Variants in PXN observed in about 807,000 individuals in gnomAD.
PXN encodes paxillin, also known as testicular tissue protein Li 134.
In PXN, 61 loss-of-function variants were observed where a neutral mutation model predicts 103.6. That is an observed-to-expected ratio of 0.59 (90% CI 0.48 to 0.73). The LOEUF (loss-of-function observed/expected upper bound fraction) is 0.73. Ranked by LOEUF, PXN falls within the 30% of genes least tolerant of loss-of-function variation. The probability of loss-of-function intolerance (pLI) is 0.00; values close to 1 mark genes in which losing one functional copy is unlikely to be tolerated. For synonymous variants in PXN, 562 were observed against 607.8 expected (o/e 0.92, Z 1.11); for missense variants, 1,274 against 1,460.3 (o/e 0.87, Z 2.08).
In PXN at chr12:120,224,150, C is replaced by T; in HGVS notation, c.240+1G>A. 1.9e-6 allele frequency: 3 copies of T among 1,567,338 alleles called. No homozygotes were observed. Among genetic ancestry groups the T allele is most frequent in the Non-Finnish European group, 2.6e-6 (3 of 1,154,790 alleles). ...CTTCCCAGCCACTGTCCCCGCCTCA[C>T]CTGCTGGTGGATGAATCGGGAGCTG... On this transcript the variant is annotated splice_donor_variant, in intron 2 of 14. Transcript: ENST00000637617. LOFTEE classifies it high-confidence loss of function. This position sits in a 1 kb window ranked among gnomAD's most constrained non-coding sequence, Gnocchi z 5.0.
intron 1 of PXN, among the ~76,000 whole-genome samples, chr12:120,241,639 G>A (rs1890160026): frequency 6.6e-6 from 1 of 152,216 alleles, no homozygotes; most frequent in Non-Finnish European, 1.5e-5. Context: ...AAGCGGCAGT[G>A]GGCCAGGAGG....
At chr12:120,240,582 G>A (rs940762919) in intron 1 of PXN, among the ~76,000 whole-genome samples, 1 of 152,176 alleles carries the variant, frequency 6.6e-6, no homozygotes, top group African/African-American at 2.4e-5. Context: ...CCAAGCAGAT[G>A]CATCTGGAGG....
rs1283943883 is a variant in PXN at position 120,217,937 on chromosome 12, ATAT to A, written c.1717-824_1717-822del. Among the ~76,000 whole-genome samples the A allele has an allele frequency of 1.4e-5, 2 of 143,568 alleles. No individual in the cohort carries two copies. Among genetic ancestry groups the A allele is most frequent in the African/African-American group, 5.2e-5 (2 of 38,334 alleles). The allele number at this position is 143,568 out of a possible 152,430, so 94.2% of individuals were successfully genotyped here. ...TTAACTAGTTTTTTTTTTCTTATTTATATTATTATGCTAATATTATATTATGCT... is the reference window on the plus strand; with the variant it reads ...TTAACTAGTTTTTTTTTTCTTATTTATATTATGCTAATATTATATTATGCT... On this transcript the variant is annotated intron_variant, in intron 7 of 14. Coordinates refer to ENST00000637617, the MANE Select transcript of PXN (RefSeq NM_001385981.1). This position sits in a 1 kb window ranked among gnomAD's most constrained non-coding sequence, Gnocchi z 4.1.
chr12:120,217,028 GC>G lies in PXN; in HGVS notation c.1804del (p.Ala602ProfsTer3). The G allele has an allele frequency of 6.3e-7, 1 of 1,583,062 alleles. No homozygotes were observed. The highest frequency in any genetic ancestry group is 8.5e-7 in the Non-Finnish European group (1 of 1,173,074). On this transcript the variant is annotated frameshift_variant, in exon 8 of 15. Transcript: ENST00000637617. LOFTEE classifies it high-confidence loss of function. The surrounding 1 kb of genome is among the most constrained non-coding windows in gnomAD (Gnocchi z 4.1). The part of the protein sequence containing the change: ...EPSPRRRLDP[A>X]TLSRTPSQEQ... ...CTGGGATGGGGTCCTGCTCAAGGTG[GC>G]AGGGTCCAGCCGGCGGCGAGGGGAG...
chr12:120,265,509 G>T lies in PXN; in HGVS notation c.13+108C>A. 1.5e-6 allele frequency: 2 copies of T among 1,294,538 alleles called. No homozygotes were observed. The highest frequency in any genetic ancestry group is 2.0e-6 in the Non-Finnish European group (2 of 994,280). 80.2% of individuals were successfully genotyped at this position (1,294,538 alleles called of 1,614,324 possible). A position where few individuals can be genotyped will look rare whatever the true frequency, so the allele number is the denominator to read the frequency against. On this transcript the variant is annotated intron_variant, in intron 1 of 14. Transcript: ENST00000637617. This position sits in a 1 kb window ranked among gnomAD's most constrained non-coding sequence, Gnocchi z 5.7. ...GCCGGCAGGGACAGGAGCTGAGGCC[G>T]GGGCCGCCGAGGGTGGGATCCCGCG...
intron 1 of PXN, among the ~76,000 whole-genome samples, chr12:120,246,598 T>C (rs1891193626): frequency 6.6e-6 from 1 of 150,592 alleles, no homozygotes; most frequent in Non-Finnish European, 1.5e-5. Flanking sequence ...CTCATGCCTG[T>C]AATCCCAGCC....
At chr12:120,223,888 G>T in intron 2 of PXN, 55 bp from the exon 3 acceptor site, 2 of 1,334,288 alleles carry the variant, frequency 1.5e-6, no homozygotes, top group Non-Finnish European at 2.1e-6. Context: ...AGGAACAGGG[G>T]CCAGGAGCAG....
chr12:120,222,092 T>C lies in PXN; in HGVS notation c.696-334A>G, dbSNP rs1042818470. ...GACGGCACTGGTAAGAGCTCGCGTGTTGGGCACTCACCATGTGTGCCACGC... is the reference window on the plus strand; with the variant it reads ...GACGGCACTGGTAAGAGCTCGCGTGCTGGGCACTCACCATGTGTGCCACGC... On this transcript the variant is annotated intron_variant, in intron 5 of 14. Transcript: ENST00000637617. The surrounding 1 kb of genome is among the most constrained non-coding windows in gnomAD (Gnocchi z 4.7). 1.3e-5 allele frequency among the ~76,000 whole-genome samples: 2 copies of C among 152,198 alleles called. No homozygotes were observed. The highest frequency in any genetic ancestry group is 2.9e-5 in the Non-Finnish European group (2 of 68,030).
chr12:120,240,688 G>A (rs895019867), intron 1 of PXN, among the ~76,000 whole-genome samples: 4 of 152,184 alleles, frequency 2.6e-5, no homozygotes, highest in African/African-American at 9.7e-5. Flanking sequence ...AGCTGGCATC[G>A]CAGCCCCACA....
At chr12:120,236,102 G>A (rs904174392) in intron 1 of PXN, among the ~76,000 whole-genome samples, 2 of 152,222 alleles carry the variant, frequency 1.3e-5, no homozygotes, top group African/African-American at 4.8e-5. Context: ...CAAAAAAGTA[G>A]GCAGTTCCAT....
In PXN at chr12:120,215,266, G is replaced by A; in HGVS notation, c.2411C>T (p.Ala804Val). 1 of 1,586,020 alleles carries A rather than the reference G, an allele frequency of 6.3e-7. No individual in the cohort carries two copies. The highest frequency in any genetic ancestry group is 1.1e-5 in the South Asian group (1 of 87,440). ...PGGQDEGGFM[A>V]QGKTGSSSPP... ...TGAGCTGCTCCCTGTCTTCCCCTGG[G>A]CCATGAACTGTGGACACGGAGGGGG... Residue 804 changes from alanine to valine, a missense_variant, in exon 11 of 15, where the codon GCC becomes GTC. By Grantham distance (64) the Ala-to-Val change is moderately conservative (BLOSUM62 0). Coordinates refer to ENST00000637617, the MANE Select transcript of PXN (RefSeq NM_001385981.1). This position sits in a 1 kb window ranked among gnomAD's most constrained non-coding sequence, Gnocchi z 4.9.
chr12:120,233,883 C>A (rs575981126), intron 1 of PXN, among the ~76,000 whole-genome samples: 8 of 152,292 alleles, frequency 5.3e-5, no homozygotes, highest in African/African-American at 1.9e-4. Flanking sequence ...CCCACCACTA[C>A]CTCTATCATC....
Position 120,222,352 on chromosome 12 carries a change from G to A in PXN, c.695+197C>T, listed in dbSNP as rs978893174. Reference sequence around the variant, plus strand: ...TCCAGGCGCCCTCAGCCTGCACAACGTCTGTCCTTTCTGACTGGCAGTGAC... The same window carrying A: ...TCCAGGCGCCCTCAGCCTGCACAACATCTGTCCTTTCTGACTGGCAGTGAC... On this transcript the variant is annotated intron_variant, in intron 5 of 14. Coordinates refer to ENST00000637617, the MANE Select transcript of PXN (RefSeq NM_001385981.1). This position sits in a 1 kb window ranked among gnomAD's most constrained non-coding sequence, Gnocchi z 4.7. Among the ~76,000 whole-genome samples the A allele has an allele frequency of 5.3e-5, 8 of 152,240 alleles. No individual in the cohort carries two copies. The highest frequency in any genetic ancestry group is 3.3e-4 in the Admixed American group (5 of 15,286).
At position 120,220,062 on chromosome 12, in the gene PXN, G is replaced by T. The variant is rs752958981; in HGVS notation, c.861C>A (p.Ala287=). Residue 287 remains alanine, a synonymous_variant, in exon 7 of 15, where the codon GCC becomes GCA. Coordinates refer to ENST00000637617, the MANE Select transcript of PXN (RefSeq NM_001385981.1). This position sits in a 1 kb window ranked among gnomAD's most constrained non-coding sequence, Gnocchi z 6.1. ...KTSSSTVALS[A]PGLSSSAPSS... ...ACGGAGCAGAGCTGGACAGCCCCGG[G>T]GCACTCAGAGCCACAGTGGAGGAGC... 8 of 1,397,094 alleles carry T rather than the reference G, an allele frequency of 5.7e-6. No homozygotes were observed. In the South Asian group the frequency reaches 1.0e-4, roughly 18 times the overall value. 86.5% of individuals were successfully genotyped at this position (1,397,094 alleles called of 1,614,324 possible).
intron 1 of PXN, among the ~76,000 whole-genome samples, chr12:120,257,988 T>C (rs749439263): frequency 1.1e-4 from 16 of 151,900 alleles, no homozygotes; most frequent in South Asian, 4.2e-4. Context: ...AGGTCAGGAG[T>C]TCGAGACCAG....
chr12:120,241,962 G>A (rs924654156), intron 1 of PXN, among the ~76,000 whole-genome samples: 1 of 152,178 alleles, frequency 6.6e-6, no homozygotes, highest in African/African-American at 2.4e-5. Context: ...CCTGGAAACT[G>A]AGTGGATATG....
chr12:120,247,054 G>C (rs188680403), intron 1 of PXN, among the ~76,000 whole-genome samples: 28 of 146,048 alleles, frequency 1.9e-4, no homozygotes, highest in African/African-American at 7.8e-4. Flanking sequence ...AAAAAAGAAG[G>C]CTAGAAAAGA....
rs544663128 is a variant in PXN at position 120,213,378 on chromosome 12, T to C, written c.2979+464A>G. Among the ~76,000 whole-genome samples the C allele has an allele frequency of 1.6e-4, 24 of 148,420 alleles. No individual in the cohort carries two copies. The highest frequency in any genetic ancestry group is 5.9e-4 in the African/African-American group (24 of 40,928). Reference sequence around the variant, plus strand: ...CTGGGCAACAGAGTGAGACTCCGTCTCAAAAAAAGAAAAGAAAAGAAAAGG... The same window carrying C: ...CTGGGCAACAGAGTGAGACTCCGTCCCAAAAAAAGAAAAGAAAAGAAAAGG... On this transcript the variant is annotated intron_variant, in intron 14 of 14. Coordinates refer to ENST00000637617, the MANE Select transcript of PXN (RefSeq NM_001385981.1). The surrounding 1 kb of genome is among the most constrained non-coding windows in gnomAD (Gnocchi z 4.2).
rs1467923376 is a variant in PXN at position 120,219,377 on chromosome 12, T to A, written c.1546A>T (p.Met516Leu). The A allele has an allele frequency of 6.3e-7, 1 of 1,598,446 alleles. No homozygotes were observed. The highest frequency in any genetic ancestry group is 2.2e-5 in the East Asian group (1 of 44,864). ...SVTTEQLGAK[M>L]TERGSVARPT... ...CTGGCCACACTTCCCCTCTCGGTCA[T>A]CTTTGCACCTAGCTGCTCCGTGGTA... is the stretch of plus-strand genomic sequence containing the variant. The change falls in exon 7 of 15, where the codon ATG becomes TTG. Residue 516 changes from methionine to leucine, a missense_variant. Coordinates refer to ENST00000637617, the MANE Select transcript of PXN (RefSeq NM_001385981.1). The surrounding 1 kb of genome is among the most constrained non-coding windows in gnomAD (Gnocchi z 6.5).
Sources: allele counts gnomAD v4.1 joint callset (sites outside exome capture counted in the v4.1 genomes callset), GRCh38; gene constraint gnomAD v4.1.1; non-coding constraint Gnocchi (gnomAD v3.1); transcripts MANE v1.5; gene names NCBI Gene and HGNC (gene_info 2026-07-23, HGNC 2026-07-21).